Variants in HPCAL1 observed in about 807,000 individuals in gnomAD.
The protein encoded by HPCAL1 is hippocalcin like 1.
Under a neutral mutation model 17.1 loss-of-function variants are expected in HPCAL1, and 8 were observed. That is an observed-to-expected ratio of 0.47 (90% CI 0.27 to 0.84). HPCAL1 has a LOEUF of 0.84. HPCAL1 is among the 40% of genes least tolerant of loss of function. The probability of loss-of-function intolerance (pLI) is 0.13; values close to 1 mark genes in which losing one functional copy is unlikely to be tolerated. For missense variants in HPCAL1, 165 were observed against 271.1 expected (o/e 0.61, Z 2.75); for synonymous variants, 112 against 111.4 (o/e 1.01, Z -0.03).
chr2:10,409,901 C>T (rs187481423), intron 2 of HPCAL1, among the ~76,000 whole-genome samples: 1,735 of 150,500 alleles, frequency 0.012, 45 homozygotes, highest in African/African-American at 0.04. Flanking sequence ...GCAATTCTCC[C>T]GTCTCAACCT....
chr2:10,335,046 A>G (rs2125429563), intron 1 of HPCAL1, among the ~76,000 whole-genome samples: 1 of 152,304 alleles, frequency 6.6e-6, no homozygotes, highest in South Asian at 2.1e-4. Context: ...TTTCATTAGT[A>G]TAAAGAGTGC....
chr2:10,393,795 T>C (rs7583465), intron 1 of HPCAL1, among the ~76,000 whole-genome samples: 60,587 of 151,854 alleles, frequency 0.4, 12,263 homozygotes, highest in South Asian at 0.49. Flanking sequence ...AGGATGCTTA[T>C]TCACTGCATT....
intron 1 of HPCAL1, among the ~76,000 whole-genome samples, chr2:10,386,667 G>T (rs747066758): frequency 1.1e-4 from 17 of 152,176 alleles, no homozygotes; most frequent in Non-Finnish European, 2.1e-4. Context: ...AACCACAAAG[G>T]TCTGCAGGCT....
intron 1 of HPCAL1, among the ~76,000 whole-genome samples, chr2:10,393,014 C>T (rs535988353): frequency 2.6e-5 from 4 of 152,346 alleles, no homozygotes; most frequent in African/African-American, 7.2e-5. Context: ...TAAGGTGTGA[C>T]GCCCCAGCTG....
intron 2 of HPCAL1, among the ~76,000 whole-genome samples, chr2:10,416,316 C>G (rs529626189): frequency 1.9e-4 from 29 of 152,356 alleles, no homozygotes; most frequent in African/African-American, 6.7e-4. Context: ...ATGCCCTGGG[C>G]ACTGTGCAGT....
At position 10,363,431 on chromosome 2, in the gene HPCAL1, G is replaced by A. The variant is rs142950629; in HGVS notation, c.-110-33404G>A. ...TAACTTGGATCGACTGAAGAACCTC[G>A]GGGCTTTCTTGGCTGTTTGTAGGAG... On this transcript the variant is annotated intron_variant, in intron 1 of 4. Coordinates refer to ENST00000307845, the MANE Select transcript of HPCAL1 (RefSeq NM_002149.4). This position sits in a 1 kb window ranked among gnomAD's most constrained non-coding sequence, Gnocchi z 4.7. Among the ~76,000 whole-genome samples, 1,361 of 152,274 alleles carry A rather than the reference G, an allele frequency of 8.9e-3. 10 individuals carry two copies. The highest frequency in any genetic ancestry group is 0.031 in the Middle Eastern group (9 of 294).
intron 1 of HPCAL1, among the ~76,000 whole-genome samples, chr2:10,332,733 T>C (rs1246709069): frequency 6.6e-6 from 1 of 150,792 alleles, no homozygotes; most frequent in Non-Finnish European, 1.5e-5. Context: ...GAGTGGAAAG[T>C]AGCTGCGAGA....
rs569933071 is a variant in HPCAL1 at position 10,338,466 on chromosome 2, A to T, written c.-111+35289A>T. Among the ~76,000 whole-genome samples, 15 of 152,328 alleles carry T rather than the reference A, an allele frequency of 9.8e-5. No individual in the cohort carries two copies. In the South Asian group the frequency reaches 3.1e-3, roughly 32 times the overall value. The stretch of plus-strand genomic sequence containing the variant: ...GTCTCAGTCTTCCCATCTGTGAAGT[A>T]GGGATCATTCCTACTTCGTAGGGTT... On this transcript the variant is annotated intron_variant, in intron 1 of 4. Transcript: ENST00000307845.
Position 10,377,498 on chromosome 2 carries a change from C to T in HPCAL1, c.-110-19337C>T, listed in dbSNP as rs1451217011. On this transcript the variant is annotated intron_variant, in intron 1 of 4. Coordinates refer to ENST00000307845, the MANE Select transcript of HPCAL1 (RefSeq NM_002149.4). This position sits in a 1 kb window ranked among gnomAD's most constrained non-coding sequence, Gnocchi z 5.9. Reference sequence around the variant, plus strand: ...CTGCCATCTGAGTGTCACGACCACACCCCCATCCCTGTCCTTTCACGCACT... The same window carrying T: ...CTGCCATCTGAGTGTCACGACCACATCCCCATCCCTGTCCTTTCACGCACT... 5.9e-5 allele frequency among the ~76,000 whole-genome samples: 9 copies of T among 152,146 alleles called. No individual in the cohort carries two copies. The highest frequency in any genetic ancestry group is 1.0e-4 in the Non-Finnish European group (7 of 68,016).
chr2:10,333,435 C>G (rs996286395), intron 1 of HPCAL1, among the ~76,000 whole-genome samples: 1 of 152,156 alleles, frequency 6.6e-6, no homozygotes, highest in African/African-American at 2.4e-5. Flanking sequence ...GCTGCAGCCT[C>G]TTGGCACCTC....
At chr2:10,420,251 A>C (rs1248488119) in intron 3 of HPCAL1, 116 bp downstream of exon 3, 11 of 874,442 alleles carry the variant, frequency 1.3e-5, no homozygotes, top group Non-Finnish European at 1.8e-5. Context: ...ATCTTGCTCT[A>C]GTGACTGGAG....
intron 1 of HPCAL1, among the ~76,000 whole-genome samples, chr2:10,392,089 C>T (rs1572795312): frequency 6.6e-6 from 1 of 151,992 alleles, no homozygotes; most frequent in South Asian, 2.1e-4. Context: ...ATCCCTCGGG[C>T]GGGAGTGCAG....
chr2:10,411,810 C>T (rs1021157969), intron 2 of HPCAL1, among the ~76,000 whole-genome samples: 5 of 152,198 alleles, frequency 3.3e-5, no homozygotes, highest in East Asian at 1.9e-4. Context: ...AGGCTGATCC[C>T]GGCTGGCTGC....
chr2:10,347,317 T>G (rs1445011691), intron 1 of HPCAL1, among the ~76,000 whole-genome samples: 2 of 151,896 alleles, frequency 1.3e-5, no homozygotes, highest in Admixed American at 1.3e-4. Context: ...TGTCTCAGAG[T>G]CTCATGGGGA....
At chr2:10,327,003 A>T (rs1276452071) in intron 1 of HPCAL1, among the ~76,000 whole-genome samples, 1 of 152,080 alleles carries the variant, frequency 6.6e-6, no homozygotes, top group Admixed American at 6.5e-5. Context: ...TCGTCACCCA[A>T]CCAGAGTGAA....
chr2:10,364,348 GC>G (rs963197060), intron 1 of HPCAL1, among the ~76,000 whole-genome samples: 1 of 152,170 alleles, frequency 6.6e-6, no homozygotes, highest in Non-Finnish European at 1.5e-5. Flanking sequence ...TGAGGGTGAG[GC>G]CCCCCCTACT....
At chr2:10,317,416 A>G (rs1263038788) in intron 1 of HPCAL1, among the ~76,000 whole-genome samples, 1 of 104,184 alleles carries the variant, frequency 9.6e-6, no homozygotes, top group East Asian at 4.0e-4. Flanking sequence ...ATAATTCAAC[A>G]ATTTTTTTTT....
At position 10,409,782 on chromosome 2, in the gene HPCAL1, T is replaced by C. The variant is rs371581623; in HGVS notation, c.-24-9952T>C. Among the ~76,000 whole-genome samples the C allele has an allele frequency of 1.0e-4, 8 of 77,272 alleles. 1 individual carries two copies. The highest frequency in any genetic ancestry group is 4.7e-4 in the South Asian group (1 of 2,122). 50.7% of individuals were successfully genotyped at this position (77,272 alleles called of 152,430 possible). The stretch of plus-strand genomic sequence containing the variant: ...GCCTCTTCCTGAGCCTCAGTCTTTT[T>C]TTTTTTTTTTTTTTTTTTTTTTTTT... On this transcript the variant is annotated intron_variant, in intron 2 of 4. Coordinates refer to ENST00000307845, the MANE Select transcript of HPCAL1 (RefSeq NM_002149.4).
At chr2:10,334,694 A>ATTTTTTTTTTTTTTT (rs1274304432) in intron 1 of HPCAL1, among the ~76,000 whole-genome samples, 2 of 122,692 alleles carry the variant, frequency 1.6e-5, no homozygotes, top group Admixed American at 7.4e-5. Context: ...AATTCCATTG[A>ATTTTTTTTTTTTTTT]CTTTTTTTTG....
Sources: gnomAD v4.1 joint callset for allele counts (sites outside exome capture counted in the v4.1 genomes callset) on GRCh38, gnomAD v4.1.1 for gene constraint, Gnocchi (gnomAD v3.1) non-coding constraint, MANE v1.5 for transcripts, NCBI Gene and HGNC (gene_info 2026-07-23, HGNC 2026-07-21) for gene names.